The following VWA2 variants were observed in gnomAD, a reference collection of about 807,000 sequenced individuals.
VWA2 encodes von Willebrand factor A domain-containing protein 2.
VWA2 carries 73 observed loss-of-function variants against 70.4 expected under a neutral mutation model. The observed-to-expected ratio is 1.04, with a 90% CI of 0.86 to 1.26. VWA2 has a LOEUF of 1.26. Ranked by LOEUF, VWA2 falls within the 50% of genes most tolerant of loss-of-function variation. The probability of loss-of-function intolerance (pLI) is 0.00; values close to 1 mark genes in which losing one functional copy is unlikely to be tolerated. For synonymous variants in VWA2, 407 were observed against 423.3 expected, an observed-to-expected ratio of 0.96 and a Z score of 0.47; for missense variants, 1,011 against 998.5, an observed-to-expected ratio of 1.01 and a Z score of -0.17.
chr10:114,288,164 C>A (rs918958603), intron 11 of VWA2, among the ~76,000 whole-genome samples: 2 of 152,206 alleles, frequency 1.3e-5, no homozygotes, highest in Non-Finnish European at 2.9e-5. Flanking sequence ...ACAGGAGAGG[C>A]CTTCTGGCTC....
At chr10:114,274,468 A>G (rs1305934788) in intron 6 of VWA2, among the ~76,000 whole-genome samples, 4 of 151,866 alleles carry the variant, frequency 2.6e-5, no homozygotes, top group Admixed American at 2.6e-4. Flanking sequence ...TCGACTTAGG[A>G]TATGTTTGTT....
chr10:114,292,317 GTGTTTATGGAAT>G lies in VWA2; in HGVS notation c.*1082_*1093del, dbSNP rs1201401720. On this transcript the variant is annotated 3_prime_UTR_variant, in exon 14 of 14. Transcript: ENST00000392982. ...GTACTTAGGAGGGGTTAATTGTGGC[GTGTTTATGGAAT>G]TCTTTCCTTATTCTCCTTTTAGTGG... Among the ~76,000 whole-genome samples, 2 of 151,852 alleles carry G rather than the reference GTGTTTATGGAAT, an allele frequency of 1.3e-5. No individual in the cohort carries two copies. The highest frequency in any genetic ancestry group is 1.5e-5 in the Non-Finnish European group (1 of 67,982).
chr10:114,285,519 A>G (rs562128425), intron 10 of VWA2, among the ~76,000 whole-genome samples: 8 of 152,352 alleles, frequency 5.3e-5, no homozygotes, highest in South Asian at 2.1e-4. Context: ...TATGAAAACA[A>G]TCTTGACCCT....
chr10:114,249,698 C>T (rs2037154347), intron 2 of VWA2, among the ~76,000 whole-genome samples: 1 of 152,168 alleles, frequency 6.6e-6, no homozygotes, highest in South Asian at 2.1e-4. Flanking sequence ...CATGGTATTC[C>T]ATGGTGTATA....
At chr10:114,288,353 G>A (rs960526790) in intron 11 of VWA2, among the ~76,000 whole-genome samples, 12 of 152,224 alleles carry the variant, frequency 7.9e-5, no homozygotes, top group Admixed American at 2.6e-4. Flanking sequence ...CCCCTAGACT[G>A]TCAGCCTGTT....
chr10:114,263,385 G>A (rs2037488575), intron 5 of VWA2, among the ~76,000 whole-genome samples: 2 of 132,784 alleles, frequency 1.5e-5, no homozygotes, highest in Admixed American at 9.2e-5. Context: ...TGCCCAGGCT[G>A]GAGTGCAGTG....
At position 114,294,387 on chromosome 10, in the gene VWA2, T is replaced by G. The variant is rs1321819489; in HGVS notation, c.*3150T>G. Among the ~76,000 whole-genome samples, 1 of 152,206 alleles carries G rather than the reference T, an allele frequency of 6.6e-6. No individual in the cohort carries two copies. Among genetic ancestry groups the G allele is most frequent in the Non-Finnish European group, 1.5e-5 (1 of 68,042 alleles). On this transcript the variant is annotated 3_prime_UTR_variant, in exon 14 of 14. Transcript: ENST00000392982. ...TCAGTATCTGTATTAAGGCCTCCAT[T>G]TCAGTTCTGCTATTTCATATTGCCT...
intron 5 of VWA2, among the ~76,000 whole-genome samples, chr10:114,269,079 A>G (rs1395717691): frequency 2.6e-5 from 4 of 152,196 alleles, no homozygotes; most frequent in Non-Finnish European, 5.9e-5. Context: ...CCTTGGTCGC[A>G]AGCCAGCAGA....
At chr10:114,242,459 G>A (rs776646286) in intron 1 of VWA2, among the ~76,000 whole-genome samples, 3 of 152,036 alleles carry the variant, frequency 2.0e-5, no homozygotes, top group East Asian at 1.9e-4. Context: ...TGTGTACCAC[G>A]TGCCTCTGTG....
intron 1 of VWA2, chr10:114,246,416 G>T (rs575405939): frequency 3.4e-6 from 2 of 595,706 alleles, no homozygotes; most frequent in Admixed American, 3.0e-5. Flanking sequence ...CAGGAGAATC[G>T]CTTGAACCCG....
In VWA2 at chr10:114,286,065, G is replaced by A. The variant is rs762589203; in HGVS notation, c.1124G>A (p.Ser375Asn). The A allele has an allele frequency of 5.6e-6, 9 of 1,614,072 alleles. No individual in the cohort carries two copies. In the Admixed American group the frequency reaches 1.5e-4, roughly 27 times the overall value. The change falls in exon 11 of 14, where the codon AGC becomes AAC. Residue 375 changes from serine (S) to asparagine (N), a missense_variant. Physicochemically the swap from Ser to Asn is conservative, Grantham distance 46. Coordinates refer to ENST00000392982, the MANE Select transcript of VWA2 (RefSeq NM_001272046.2). ...FVKRFVRAVL[S>N]EDSRARVGVA... The stretch of plus-strand genomic sequence containing the variant: ...AAGCGGTTTGTGCGGGCCGTGCTGA[G>A]CGAGGACTCTCGGGCCCGAGTGGGT...
intron 5 of VWA2, among the ~76,000 whole-genome samples, chr10:114,262,885 T>A (rs888835322): frequency 2.0e-5 from 3 of 152,234 alleles, no homozygotes; most frequent in Non-Finnish European, 2.9e-5. Flanking sequence ...CCTTGTGCCC[T>A]TGGGGCCTCC....
chr10:114,272,659 C>T (rs1366714715), intron 5 of VWA2, 81 bp from the exon 6 acceptor site: 9 of 1,277,210 alleles, frequency 7.0e-6, no homozygotes, highest in Middle Eastern at 4.2e-4. Flanking sequence ...CGGAAGAGCT[C>T]ATCGATTTCA....
chr10:114,261,117 C>T, intron 4 of VWA2, 69 bp from the exon 5 acceptor site: 1 of 1,175,292 alleles, frequency 8.5e-7, no homozygotes, highest in East Asian at 2.4e-5. Context: ...TTTTCTTGCC[C>T]CTTCTTTCCT....
At chr10:114,257,353 A>G (rs562639603) in intron 4 of VWA2, among the ~76,000 whole-genome samples, 1 of 152,358 alleles carries the variant, frequency 6.6e-6, no homozygotes, top group African/African-American at 2.4e-5. Context: ...ATGGAGGAAT[A>G]ACATAAAGAG....
chr10:114,260,018 G>A (rs2037411054), intron 4 of VWA2, among the ~76,000 whole-genome samples: 1 of 152,194 alleles, frequency 6.6e-6, no homozygotes, highest in South Asian at 2.1e-4. Flanking sequence ...GAACGGCAGC[G>A]AGGGAATTCA....
rs2133307928 is a variant in VWA2, at chr10:114,254,936, T to C, written c.149T>C (p.Val50Ala). The stretch of plus-strand genomic sequence containing the variant: ...CTAGTGATGTGGTGCTCGGCTGCAG[T>C]GGACATCATGTTTCTGTTAGATGGG... ...ASKMMWCSAA[V>A]DIMFLLDGSN... Residue 50 changes from valine to alanine, a missense_variant, in exon 4 of 14, where the codon GTG becomes GCG. Physicochemically the swap from Val to Ala is moderately conservative, Grantham distance 64 (BLOSUM62 0). Coordinates refer to ENST00000392982, the MANE Select transcript of VWA2 (RefSeq NM_001272046.2). The C allele has an allele frequency of 6.2e-7, 1 of 1,613,464 alleles. No individual in the cohort carries two copies. Among genetic ancestry groups the C allele is most frequent in the Non-Finnish European group, 8.5e-7 (1 of 1,179,934 alleles).
Position 114,293,685 on chromosome 10 carries a change from T to G in VWA2, c.*2448T>G, listed in dbSNP as rs558736612. The stretch of plus-strand genomic sequence containing the variant: ...CTTGCAATAATTAAAACATTGCATA[T>G]AGGCCATAAATTTCCTTATTTTCTC... On this transcript the variant is annotated 3_prime_UTR_variant, in exon 14 of 14. Transcript: ENST00000392982. 6.6e-6 allele frequency among the ~76,000 whole-genome samples: 1 copy of G among 152,248 alleles called. No homozygotes were observed. Among genetic ancestry groups the G allele is most frequent in the Non-Finnish European group, 1.5e-5 (1 of 68,040 alleles).
intron 4 of VWA2, among the ~76,000 whole-genome samples, chr10:114,259,697 G>A (rs1035226012): frequency 4.6e-5 from 7 of 152,018 alleles, no homozygotes; most frequent in African/African-American, 1.7e-4. Flanking sequence ...ATCATTGACT[G>A]ACTAGATCAT....
Sources: allele counts gnomAD v4.1 joint callset (sites outside exome capture counted in the v4.1 genomes callset), GRCh38; gene constraint gnomAD v4.1.1; transcripts MANE v1.5; gene names NCBI Gene and HGNC (gene_info 2026-07-23, HGNC 2026-07-21).